Variants in METAP1D observed in about 807,000 individuals in gnomAD.
METAP1D encodes the protein methionine aminopeptidase 1D, mitochondrial.
In METAP1D, 31 loss-of-function variants were observed where a neutral mutation model predicts 40.5. That is an observed-to-expected ratio of 0.77 (90% CI 0.58 to 1.03). The LOEUF (loss-of-function observed/expected upper bound fraction) is 1.03, where lower values mean the gene tolerates loss of function less well. Among genes scored for constraint, METAP1D ranks in the 50% least tolerant of loss-of-function variants. METAP1D has a pLI of 0.00. For synonymous variants in METAP1D, 151 were observed against 146.4 expected (o/e 1.03, Z -0.22); for missense variants, 411 against 420.7 (o/e 0.98, Z 0.20).
At chr2:172,009,756 T>C (rs1688668067) in intron 1 of METAP1D, among the ~76,000 whole-genome samples, 1 of 151,994 alleles carries the variant, frequency 6.6e-6, no homozygotes, top group Admixed American at 6.6e-5. Context: ...CTGAATGTAT[T>C]GGAGAGGGAA....
intron 6 of METAP1D, among the ~76,000 whole-genome samples, chr2:172,072,617 T>C (rs2105494245): frequency 6.6e-6 from 1 of 152,330 alleles, no homozygotes; most frequent in South Asian, 2.1e-4. Context: ...CCTGTCTCGC[T>C]ATTCCTCCCT....
chr2:172,034,986 C>CT (rs66853451), intron 1 of METAP1D, among the ~76,000 whole-genome samples: 2,180 of 135,520 alleles, frequency 0.016, 19 homozygotes, highest in African/African-American at 0.021. Flanking sequence ...GAATTTTTTT[C>CT]TTTTTTTTTT....
intron 1 of METAP1D, among the ~76,000 whole-genome samples, chr2:172,051,500 G>C (rs1228529532): frequency 6.6e-6 from 1 of 152,124 alleles, no homozygotes; most frequent in East Asian, 1.9e-4. Context: ...TTCTGAACTT[G>C]TCATTGATGT....
rs180684142 is a variant in METAP1D, at chr2:172,045,842, T to C, written c.41-15656T>C. The stretch of plus-strand genomic sequence containing the variant: ...GTGTATATATATATATATATATATA[T>C]ATATATATATATATATATATATGAC... On this transcript the variant is annotated intron_variant, in intron 1 of 9. Coordinates refer to ENST00000315796, the MANE Select transcript of METAP1D (RefSeq NM_199227.3). 2.1e-3 allele frequency among the ~76,000 whole-genome samples: 218 copies of C among 102,390 alleles called. 8 individuals carry two copies. The East Asian group carries it at 0.023, about 11-fold the overall frequency. 67.2% of individuals were successfully genotyped at this position (102,390 alleles called of 152,430 possible).
intron 6 of METAP1D, chr2:172,072,502 A>G (rs1690447115): frequency 6.0e-6 from 1 of 167,072 alleles, no homozygotes; most frequent in Non-Finnish European, 1.5e-5. Context: ...AGCTAACTAC[A>G]GAGGCACATT....
chr2:172,029,614 A>C (rs911329210), intron 1 of METAP1D, among the ~76,000 whole-genome samples: 1 of 152,232 alleles, frequency 6.6e-6, no homozygotes, highest in African/African-American at 2.4e-5. Flanking sequence ...TTACCATAAC[A>C]TGAGCATCTG....
intron 1 of METAP1D, among the ~76,000 whole-genome samples, chr2:172,036,128 T>C (rs557879938): frequency 9.2e-5 from 14 of 151,540 alleles, no homozygotes; most frequent in Non-Finnish European, 1.8e-4. Context: ...CCATCCTGGC[T>C]AACACGGTGA....
chr2:172,059,779 C>T (rs1271206608), intron 1 of METAP1D, among the ~76,000 whole-genome samples: 2 of 152,298 alleles, frequency 1.3e-5, no homozygotes, highest in East Asian at 1.9e-4. Flanking sequence ...TGGCCAGGCG[C>T]GGTGGCTACG....
At chr2:172,012,216 TAC>T (rs1688744816) in intron 1 of METAP1D, among the ~76,000 whole-genome samples, 2 of 152,294 alleles carry the variant, frequency 1.3e-5, no homozygotes, top group South Asian at 4.2e-4. Context: ...TGCTCCTGAA[TAC>T]CAACCTCTTT....
chr2:172,032,826 G>C (rs1045170175), intron 1 of METAP1D, among the ~76,000 whole-genome samples: 6 of 152,322 alleles, frequency 3.9e-5, no homozygotes, highest in Non-Finnish European at 7.3e-5. Flanking sequence ...ACGTTGGGAG[G>C]CCGAGGCAGG....
intron 1 of METAP1D, among the ~76,000 whole-genome samples, chr2:172,054,348 GTC>G (rs1443893291): frequency 1.3e-5 from 2 of 151,876 alleles, no homozygotes; most frequent in African/African-American, 4.8e-5. Flanking sequence ...GGTGAAACCC[GTC>G]TCTATTAAAA....
At chr2:172,022,939 C>A (rs547180034) in intron 1 of METAP1D, among the ~76,000 whole-genome samples, 1 of 152,244 alleles carries the variant, frequency 6.6e-6, no homozygotes, top group Non-Finnish European at 1.5e-5. Flanking sequence ...GTAATCCCAG[C>A]ACTTTGGGAG....
chr2:172,057,907 T>C (rs971027044), intron 1 of METAP1D, among the ~76,000 whole-genome samples: 4 of 151,632 alleles, frequency 2.6e-5, no homozygotes, highest in Non-Finnish European at 5.9e-5. Context: ...AGGTCATGTT[T>C]TCTTTCCCAT....
chr2:172,061,705 G>T, intron 2 of METAP1D, 50 bp downstream of exon 2: 2 of 1,408,976 alleles, frequency 1.4e-6, no homozygotes, highest in South Asian at 3.5e-5. Flanking sequence ...GATAAAAGTT[G>T]ACTGCAGAAG....
intron 8 of METAP1D, 30 bp downstream of exon 8, chr2:172,079,292 C>T (rs746767548): frequency 1.3e-5 from 21 of 1,611,568 alleles, no homozygotes; most frequent in Middle Eastern, 1.6e-4. Flanking sequence ...CGAGTGAGTG[C>T]GTAGCTCCTG....
intron 1 of METAP1D, among the ~76,000 whole-genome samples, chr2:172,040,073 T>A (rs919301916): frequency 6.6e-6 from 1 of 151,994 alleles, no homozygotes; most frequent in African/African-American, 2.4e-5. Flanking sequence ...TTCTTCTGCC[T>A]CAGCCTCCTG....
chr2:172,065,508 C>G, intron 3 of METAP1D, 96 bp from the exon 4 acceptor site: 6 of 1,176,384 alleles, frequency 5.1e-6, no homozygotes, highest in Non-Finnish European at 7.3e-6. Context: ...TAAATTTATA[C>G]AGTCTCACAT....
At position 172,079,228 on chromosome 2, in the gene METAP1D, T is replaced by A. The variant is rs771583358; in HGVS notation, c.816T>A (p.Asp272Glu). 1 of 1,614,062 alleles carries A rather than the reference T, an allele frequency of 6.2e-7. No individual in the cohort carries two copies. Among genetic ancestry groups the A allele is most frequent in the Admixed American group, 1.7e-5 (1 of 60,008 alleles). ...TTTGTTTTGCAGCAAACGACAGTGA[T>A]CTACCCATGGAGGAGGGCATGGCAT... Reference protein sequence around the residue: ...PEIWHHANDSDLPMEEGMAFT... With the variant: ...PEIWHHANDSELPMEEGMAFT... The change falls in exon 8 of 10, where the codon GAT becomes GAA. Residue 272 changes from aspartate to glutamate, a missense_variant. Physicochemically the swap from Asp to Glu is conservative, Grantham distance 45. Coordinates refer to ENST00000315796, the MANE Select transcript of METAP1D (RefSeq NM_199227.3).
rs1689670256 is a variant in METAP1D at position 172,043,619 on chromosome 2, T to C, written c.41-17879T>C. 2.2e-5 allele frequency among the ~76,000 whole-genome samples: 3 copies of C among 134,922 alleles called. 1 individual carries two copies. The highest frequency in any genetic ancestry group is 2.2e-4 in the Admixed American group (3 of 13,592). 88.5% of individuals were successfully genotyped at this position (134,922 alleles called of 152,430 possible). A position where few individuals can be genotyped will look rare whatever the true frequency, so the allele number is the denominator to read the frequency against. On this transcript the variant is annotated intron_variant, in intron 1 of 9. Coordinates refer to ENST00000315796, the MANE Select transcript of METAP1D (RefSeq NM_199227.3). ...TTATTTTATTTATATTTAATAGCAT[T>C]ATATTCCATTATAAAAATTTCATTT... is the stretch of plus-strand genomic sequence containing the variant.
Sources: gnomAD v4.1 joint callset for allele counts (sites outside exome capture counted in the v4.1 genomes callset) on GRCh38, gnomAD v4.1.1 for gene constraint, MANE v1.5 for transcripts, NCBI Gene and HGNC (gene_info 2026-07-23, HGNC 2026-07-21) for gene names.